RASGRP3: variants seen among roughly 807,000 people sequenced by gnomAD.
RASGRP3 encodes ras guanyl-releasing protein 3.
Under a neutral mutation model 82.7 loss-of-function variants are expected in RASGRP3, and 54 were observed. The ratio of observed to expected loss-of-function variants is 0.65; its 90% CI spans 0.52 to 0.82. RASGRP3 has a LOEUF of 0.82. Among genes scored for constraint, RASGRP3 ranks in the 40% least tolerant of loss-of-function variants. RASGRP3 has a pLI of 0.00. For missense variants in RASGRP3, 861 were observed against 828.9 expected (o/e 1.04, Z -0.48); for synonymous variants, 309 against 300.5 (o/e 1.03, Z -0.29).
intron 15 of RASGRP3, among the ~76,000 whole-genome samples, chr2:33,556,176 T>C (rs529678372): frequency 6.6e-5 from 10 of 152,050 alleles, no homozygotes; most frequent in South Asian, 2.1e-4. Context: ...ATTACTGTTG[T>C]TTAAGAAGTT....
intron 7 of RASGRP3, among the ~76,000 whole-genome samples, 189 bp downstream of exon 7, chr2:33,522,291 C>T (rs1269186625): frequency 1.1e-4 from 16 of 152,090 alleles, no homozygotes; most frequent in Non-Finnish European, 1.5e-5. Flanking sequence ...TTTTATGGCT[C>T]AGGAGCTATA....
chr2:33,528,368 C>G (rs1366833707), intron 10 of RASGRP3, among the ~76,000 whole-genome samples: 2 of 152,176 alleles, frequency 1.3e-5, no homozygotes, highest in African/African-American at 4.8e-5. Flanking sequence ...TTTAGCTGGT[C>G]TCTGCATCCT....
chr2:33,527,622 T>C (rs1309143469), intron 10 of RASGRP3, among the ~76,000 whole-genome samples: 4 of 152,220 alleles, frequency 2.6e-5, no homozygotes, highest in Admixed American at 2.0e-4. Flanking sequence ...AATCTACCTT[T>C]GTTCGGAGGG....
intron 10 of RASGRP3, chr2:33,532,943 A>C (rs968741176): frequency 6.6e-6 from 1 of 152,240 alleles, no homozygotes; most frequent in African/African-American, 2.4e-5. Flanking sequence ...GTAGAACAGG[A>C]AAAGGAATCT....
At chr2:33,474,789 C>G (rs771499732), upstream of RASGRP3, among the ~76,000 whole-genome samples, 2 of 152,178 alleles carry the variant, frequency 1.3e-5, no homozygotes, top group Non-Finnish European at 1.5e-5. Flanking sequence ...AACCATGAAC[C>G]AATTAAACCT....
intron 1 of RASGRP3, among the ~76,000 whole-genome samples, chr2:33,508,495 T>G (rs1670616485): frequency 6.6e-6 from 1 of 152,126 alleles, no homozygotes; most frequent in South Asian, 2.1e-4. Context: ...CTTCTTTCAA[T>G]GCAATAGCAG....
intron 1 of RASGRP3, among the ~76,000 whole-genome samples, chr2:33,443,458 A>C (rs577620778): frequency 1.1e-4 from 16 of 152,246 alleles, no homozygotes; most frequent in African/African-American, 3.9e-4. Context: ...GGGAAACTAA[A>C]CATGTGTGGG....
chr2:33,521,224 C>G (rs1261332785), intron 6 of RASGRP3, among the ~76,000 whole-genome samples: 1 of 152,146 alleles, frequency 6.6e-6, no homozygotes, highest in Admixed American at 6.5e-5. Flanking sequence ...GGTGGTTGAC[C>G]ATAGATGTGC....
At chr2:33,438,673 C>G (rs2150869383) in intron 1 of RASGRP3, among the ~76,000 whole-genome samples, 1 of 152,114 alleles carries the variant, frequency 6.6e-6, no homozygotes, top group Non-Finnish European at 1.5e-5. Flanking sequence ...TATGTATCTA[C>G]AAGTTGCTGA....
intron 2 of RASGRP3, among the ~76,000 whole-genome samples, chr2:33,466,869 G>T (rs538029168): frequency 3.7e-4 from 57 of 152,194 alleles, no homozygotes; most frequent in Middle Eastern, 3.4e-3. Flanking sequence ...GTCATTCTGG[G>T]GAGGTAAATG....
intron 12 of RASGRP3, among the ~76,000 whole-genome samples, chr2:33,540,455 A>G (rs1674138328): frequency 6.8e-6 from 1 of 146,014 alleles, no homozygotes; most frequent in Non-Finnish European, 1.5e-5. Flanking sequence ...GCCAGGAAAT[A>G]GAAGGCAGAG....
intron 2 of RASGRP3, among the ~76,000 whole-genome samples, chr2:33,513,102 C>T (rs936280893): frequency 1.3e-5 from 2 of 152,228 alleles, no homozygotes; most frequent in Admixed American, 6.5e-5. Context: ...CTTTAATAAT[C>T]TGCTTTCACA....
chr2:33,461,867 G>A (rs558127998), intron 2 of RASGRP3, among the ~76,000 whole-genome samples: 4 of 152,288 alleles, frequency 2.6e-5, no homozygotes, highest in African/African-American at 4.8e-5. Flanking sequence ...CAGAAAAGGC[G>A]TGGAATAATG....
intron 2 of RASGRP3, among the ~76,000 whole-genome samples, chr2:33,452,312 T>C (rs903085702): frequency 3.3e-5 from 5 of 152,210 alleles, no homozygotes; most frequent in African/African-American, 1.2e-4. Flanking sequence ...TATATATTGA[T>C]GTCTATGCAT....
chr2:33,530,262 C>T (rs573409503), intron 10 of RASGRP3, among the ~76,000 whole-genome samples: 3 of 152,050 alleles, frequency 2.0e-5, no homozygotes, highest in Non-Finnish European at 4.4e-5. Context: ...CAGCTGAGGT[C>T]GCCTGTATAT....
chr2:33,516,153 T>C (rs543083033), intron 3 of RASGRP3, among the ~76,000 whole-genome samples: 3 of 152,284 alleles, frequency 2.0e-5, no homozygotes, highest in South Asian at 4.2e-4. Context: ...CTCACGCCTG[T>C]AATCCCAGCA....
At position 33,563,917 on chromosome 2, in the gene RASGRP3, A is replaced by AGAT. The variant is rs1299764130; in HGVS notation, c.*1181_*1183dup. ...ATTAGAGGAGAGAGAACTTGATTCA[A>AGAT]GATACTGAAAAATAGAGCTGGGACT... On this transcript the variant is annotated 3_prime_UTR_variant, in exon 18 of 18. Coordinates refer to ENST00000403687, the MANE Select transcript of RASGRP3 (RefSeq NM_001139488.2). 6.6e-6 allele frequency: 1 copy of AGAT among 152,182 alleles called. No homozygotes were observed. The highest frequency in any genetic ancestry group is 2.4e-5 in the African/African-American group (1 of 41,448). The allele number at this position is 152,182 out of a possible 1,614,324, so 9.4% of individuals were successfully genotyped here.
intron 9 of RASGRP3, 51 bp downstream of exon 9, chr2:33,524,599 G>T (rs1672346217): frequency 1.4e-6 from 2 of 1,400,410 alleles, no homozygotes; most frequent in South Asian, 2.6e-5. Context: ...TTTGTAAATT[G>T]TTCAGGTTTA....
chr2:33,524,917 A>T (rs1175467791), intron 9 of RASGRP3, among the ~76,000 whole-genome samples: 1 of 151,882 alleles, frequency 6.6e-6, no homozygotes, highest in Non-Finnish European at 1.5e-5. Context: ...GTCTCTACTA[A>T]AAATACAAAA....
Sources: gnomAD v4.1 joint callset for allele counts (sites outside exome capture counted in the v4.1 genomes callset) on GRCh38, gnomAD v4.1.1 for gene constraint, MANE v1.5 for transcripts, NCBI Gene and HGNC (gene_info 2026-07-23, HGNC 2026-07-21) for gene names.